TFB1M: variants seen among roughly 807,000 people sequenced by gnomAD.
TFB1M encodes dimethyladenosine transferase 1, mitochondrial.
In TFB1M, 27 loss-of-function variants were observed where a neutral mutation model predicts 31.1. The observed-to-expected ratio is 0.87, with a 90% CI of 0.64 to 1.20. TFB1M has a LOEUF of 1.20. TFB1M is among the 50% of genes most tolerant of loss of function. The pLI is 0.00. For synonymous variants in TFB1M, 166 were observed against 151.8 expected (o/e 1.09, Z -0.69); for missense variants, 394 against 418.7 (o/e 0.94, Z 0.51).
chr6:155,268,566 C>A (rs1205985702), intron 5 of TFB1M, among the ~76,000 whole-genome samples: 2 of 152,204 alleles, frequency 1.3e-5, no homozygotes, highest in Non-Finnish European at 2.9e-5. Context: ...TCCAGATTAA[C>A]ATCACTAAGC....
chr6:155,256,230 C>CTAGT lies in TFB1M; in HGVS notation c.*1602_*1605dup. On this transcript the variant is annotated 3_prime_UTR_variant, in exon 7 of 7. Transcript: ENST00000367166. ...TAGCCCATGTAGTAGTTTCTAGTGT[C>CTAGT]TAGTTCTATTTACATAATTGAGCTC... The CTAGT allele has an allele frequency of 1.7e-6, 1 of 598,162 alleles. No homozygotes were observed. The highest frequency in any genetic ancestry group is 2.9e-6 in the Non-Finnish European group (1 of 341,174). The allele number at this position is 598,162 out of a possible 1,614,324, so 37.1% of individuals were successfully genotyped here.
At chr6:155,262,127 A>T (rs930218943) in intron 5 of TFB1M, among the ~76,000 whole-genome samples, 1 of 152,128 alleles carries the variant, frequency 6.6e-6, no homozygotes, top group Non-Finnish European at 1.5e-5. Flanking sequence ...ACTGAAGAAG[A>T]CAAGGGGCTG....
At chr6:155,295,497 C>T (rs1306673756) in intron 4 of TFB1M, among the ~76,000 whole-genome samples, 1 of 152,116 alleles carries the variant, frequency 6.6e-6, no homozygotes, top group Admixed American at 6.5e-5. Flanking sequence ...AAAGGAGATG[C>T]AATCAGAGTA....
intron 5 of TFB1M, among the ~76,000 whole-genome samples, chr6:155,266,970 CTTT>C (rs375412255): frequency 5.5e-5 from 7 of 127,322 alleles, no homozygotes; most frequent in Non-Finnish European, 8.2e-5. Flanking sequence ...ACTTTGCTGC[CTTT>C]TTTTTTTTTT....
the TFB1M span, chr6:155,249,985 G>C: frequency 2.4e-5 from 39 of 1,595,186 alleles, no homozygotes; most frequent in Non-Finnish European, 3.3e-5. Context: ...TGAGACATCT[G>C]CACCCTGGGA....
chr6:155,246,740 G>C, the TFB1M span, among the ~76,000 whole-genome samples: 1 of 152,278 alleles, frequency 6.6e-6, no homozygotes, highest in African/African-American at 2.4e-5. Context: ...CATACCAATG[G>C]CTTGCTCCAT....
chr6:155,288,588 A>G (rs75343183), intron 4 of TFB1M, among the ~76,000 whole-genome samples: 1,772 of 152,382 alleles, frequency 0.012, 71 homozygotes, highest in Admixed American at 0.079. Context: ...GTATTTAAGT[A>G]TATTTCACTT....
chr6:155,244,363 G>A, the TFB1M span, among the ~76,000 whole-genome samples: 1 of 152,222 alleles, frequency 6.6e-6, no homozygotes, highest in South Asian at 2.1e-4. Context: ...CCTTTGTAAT[G>A]TGAAACCACA....
Position 155,257,315 on chromosome 6 carries a change from G to A in TFB1M, c.*521C>T. 1 of 628,218 alleles carries A rather than the reference G, an allele frequency of 1.6e-6. No individual in the cohort carries two copies. The highest frequency in any genetic ancestry group is 2.1e-5 in the South Asian group (1 of 48,554). 38.9% of individuals were successfully genotyped at this position (628,218 alleles called of 1,614,324 possible). ...TGGATCAGAAACCTAGATGAAACTG[G>A]TCAGAATCTGTAAATTACTTAGTTT... On this transcript the variant is annotated 3_prime_UTR_variant, in exon 7 of 7. Transcript: ENST00000367166.
chr6:155,313,968 G>T (rs1778130422), intron 1 of TFB1M: 3 of 581,976 alleles, frequency 5.2e-6, no homozygotes, highest in Non-Finnish European at 8.1e-6. Flanking sequence ...ATTTCAGAAT[G>T]ATTGATTTCA....
chr6:155,298,496 A>T lies in TFB1M; in HGVS notation c.375T>A (p.Leu125=). The T allele has an allele frequency of 6.2e-7, 1 of 1,607,134 alleles. No individual in the cohort carries two copies. The highest frequency in any genetic ancestry group is 8.5e-7 in the Non-Finnish European group (1 of 1,173,876). The part of the protein sequence containing the change: ...FKVEKAFSES[L]KRPWEDDPPN... ...ACTCACCATCTTCCCAGGGTCTTTT[A>T]AGACTTTCTGAAAAAGCCTTTTCTA... The change falls in exon 3 of 7, where the codon CTT becomes CTA. Residue 125 remains leucine, a synonymous_variant. Transcript: ENST00000367166.
intron 5 of TFB1M, among the ~76,000 whole-genome samples, chr6:155,277,205 C>T (rs148625936): frequency 6.6e-5 from 10 of 152,350 alleles, no homozygotes; most frequent in African/African-American, 1.9e-4. Flanking sequence ...TTACTACCAT[C>T]CCACTTCCTC....
At chr6:155,307,839 T>G in intron 2 of TFB1M, among the ~76,000 whole-genome samples, 1 of 151,856 alleles carries the variant, frequency 6.6e-6, no homozygotes, top group East Asian at 1.9e-4. Flanking sequence ...TTAAGAAAGT[T>G]TAAGAATTTG....
intron 4 of TFB1M, among the ~76,000 whole-genome samples, chr6:155,287,301 A>ACGG (rs1432847340): frequency 6.6e-6 from 1 of 152,168 alleles, no homozygotes; most frequent in Non-Finnish European, 1.5e-5. Flanking sequence ...CCTAGAGCAC[A>ACGG]GCGTACATAC....
chr6:155,264,583 T>C (rs990597515), intron 5 of TFB1M, among the ~76,000 whole-genome samples: 1 of 152,200 alleles, frequency 6.6e-6, no homozygotes, highest in East Asian at 1.9e-4. Flanking sequence ...ACAATATTTA[T>C]TTCTGCAGAA....
At chr6:155,300,321 T>C (rs750631615) in intron 2 of TFB1M, among the ~76,000 whole-genome samples, 5 of 152,226 alleles carry the variant, frequency 3.3e-5, no homozygotes, top group Admixed American at 6.5e-5. Context: ...ATGCCTCTGA[T>C]ACTAATGTAC....
the TFB1M span, chr6:155,249,980 C>T: frequency 1.3e-5 from 20 of 1,598,754 alleles, no homozygotes; most frequent in Admixed American, 1.7e-5. Context: ...GTCCGTGAGA[C>T]ATCTGCACCC....
At chr6:155,283,628 A>G (rs1409934809) in intron 5 of TFB1M, among the ~76,000 whole-genome samples, 8 of 152,262 alleles carry the variant, frequency 5.3e-5, no homozygotes, top group African/African-American at 1.9e-4. Flanking sequence ...AAACAGAGTT[A>G]GAAAGCTTCC....
At position 155,257,099 on chromosome 6, in the gene TFB1M, C is replaced by G. The variant is rs1042011264; in HGVS notation, c.*737G>C. 1 of 1,601,074 alleles carries G rather than the reference C, an allele frequency of 6.2e-7. No homozygotes were observed. The highest frequency in any genetic ancestry group is 8.5e-7 in the Non-Finnish European group (1 of 1,174,478). ...GTCAGTGAGGAGTGTTTTTATGAAA[C>G]AGAGAGCCACGGAAAATCATAGTAT... is the stretch of plus-strand genomic sequence containing the variant. On this transcript the variant is annotated 3_prime_UTR_variant, in exon 7 of 7. Coordinates refer to ENST00000367166, the MANE Select transcript of TFB1M (RefSeq NM_016020.4).
Sources: allele counts gnomAD v4.1 joint callset (sites outside exome capture counted in the v4.1 genomes callset), GRCh38; gene constraint gnomAD v4.1.1; transcripts MANE v1.5; gene names NCBI Gene and HGNC (gene_info 2026-07-23, HGNC 2026-07-21).